The following RNF17 variants were observed in gnomAD, a reference collection of about 807,000 sequenced individuals.
RNF17 encodes spermatogenesis associated 23.
A neutral mutation model predicts 200.5 loss-of-function variants in RNF17; 31 were observed. The ratio of observed to expected loss-of-function variants is 0.15; its 90% CI spans 0.12 to 0.21. The LOEUF is 0.21. Among genes scored for constraint, RNF17 ranks in the 10% least tolerant of loss-of-function variants. RNF17 has a pLI of 1.00. For missense variants in RNF17, 1,628 were observed against 1,905.1 expected, an observed-to-expected ratio of 0.85 and a Z score of 2.71; for synonymous variants, 606 against 637.8, an observed-to-expected ratio of 0.95 and a Z score of 0.75.
chr13:24,802,838 G>T (rs1885414724), intron 14 of RNF17, among the ~76,000 whole-genome samples: 1 of 152,138 alleles, frequency 6.6e-6, no homozygotes, highest in Admixed American at 6.5e-5. Context: ...ATTCCTTGGG[G>T]TCATGAGTTT....
chr13:24,841,557 A>C (rs1890641855), intron 18 of RNF17, among the ~76,000 whole-genome samples: 1 of 152,214 alleles, frequency 6.6e-6, no homozygotes, highest in Admixed American at 6.5e-5. Context: ...AACACTGACC[A>C]TTTATATCTG....
At chr13:24,826,914 G>T (rs1206539246) in intron 16 of RNF17, among the ~76,000 whole-genome samples, 5 of 151,904 alleles carry the variant, frequency 3.3e-5, no homozygotes, top group Non-Finnish European at 4.4e-5. Flanking sequence ...TAAAAAATTA[G>T]CTGGGCATGG....
chr13:24,798,440 A>G (rs1838789), intron 11 of RNF17, among the ~76,000 whole-genome samples: 65,670 of 151,972 alleles, frequency 0.43, 14,287 homozygotes, highest in East Asian at 0.47. Context: ...AAGGCTGCCT[A>G]TAATGTGCTT....
At chr13:24,844,070 A>G in intron 20 of RNF17, 99 bp downstream of exon 20, 2 of 416,158 alleles carry the variant, frequency 4.8e-6, no homozygotes, top group East Asian at 4.1e-5. Flanking sequence ...AGATTTTACT[A>G]GCAAAATTAT....
downstream of RNF17, among the ~76,000 whole-genome samples, chr13:24,880,486 A>G (rs1379532271): frequency 1.3e-5 from 2 of 152,348 alleles, no homozygotes; most frequent in Middle Eastern, 3.4e-3. Context: ...TAGTTTTACT[A>G]CATATGAATG....
At chr13:24,797,703 A>AGCGTTTGTGTGTCTGTGTGTGTGT (rs1357809260) in intron 11 of RNF17, among the ~76,000 whole-genome samples, 1 of 23,082 alleles carries the variant, frequency 4.3e-5, no homozygotes, top group African/African-American at 1.4e-4. Context: ...AGAGAGACAA[A>AGCGTTTGTGTGTCTGTGTGTGTGT]GAGTGTGTGT....
chr13:24,790,332 A>G (rs191197030), intron 9 of RNF17, among the ~76,000 whole-genome samples: 5 of 152,222 alleles, frequency 3.3e-5, no homozygotes, highest in Non-Finnish European at 5.9e-5. Flanking sequence ...TCCATTCTCT[A>G]TGTCCCCAAG....
At position 24,870,615 on chromosome 13, in the gene RNF17, CCAG is replaced by C; in HGVS notation, c.4326_4328del (p.Gln1442del). The C allele has an allele frequency of 6.2e-7, 1 of 1,614,034 alleles. No individual in the cohort carries two copies. The highest frequency in any genetic ancestry group is 8.5e-7 in the Non-Finnish European group (1 of 1,179,918). ...CTATAGAAACTTCTAACCAGTCTAA[CCAG>C]CATAGTGACACAGATGATAGTGGAG... On this transcript the variant is annotated inframe_deletion, in exon 32 of 36. Coordinates refer to ENST00000255324, the MANE Select transcript of RNF17 (RefSeq NM_031277.3).
chr13:24,884,068 T>C, downstream of RNF17: 2 of 1,611,486 alleles, frequency 1.2e-6, no homozygotes, highest in South Asian at 1.1e-5. Flanking sequence ...TTTTCTTCCA[T>C]CTGGGTAATG....
At chr13:24,828,440 C>T (rs947889848) in intron 16 of RNF17, among the ~76,000 whole-genome samples, 2 of 152,102 alleles carry the variant, frequency 1.3e-5, no homozygotes, top group Admixed American at 1.3e-4. Flanking sequence ...CTCCACTTCC[C>T]TCCTTGAAGG....
intron 15 of RNF17, among the ~76,000 whole-genome samples, chr13:24,819,982 C>T (rs980960297): frequency 3.3e-5 from 5 of 152,038 alleles, no homozygotes; most frequent in African/African-American, 7.2e-5. Context: ...ATTTTTCTCA[C>T]GTTTTTGAAG....
In RNF17 at chr13:24,781,139, C is replaced by A. The variant is rs1020105503; in HGVS notation, c.511-705C>A. Among the ~76,000 whole-genome samples the A allele has an allele frequency of 4.0e-5, 6 of 151,096 alleles. No individual in the cohort carries two copies. The East Asian group carries it at 1.2e-3, about 29-fold the overall frequency. On this transcript the variant is annotated intron_variant, in intron 5 of 35. Coordinates refer to ENST00000255324, the MANE Select transcript of RNF17 (RefSeq NM_031277.3). ...ATCTAAGCAACAATACTTAAAACTTCAAAAATACTAAGATTGTGTAATACT... is the reference window on the plus strand; with the variant it reads ...ATCTAAGCAACAATACTTAAAACTTAAAAAATACTAAGATTGTGTAATACT...
At chr13:24,802,111 G>A (rs1885315153) in intron 13 of RNF17, among the ~76,000 whole-genome samples, 1 of 152,030 alleles carries the variant, frequency 6.6e-6, no homozygotes, top group South Asian at 2.1e-4. Flanking sequence ...TCAGCCTCCC[G>A]AGTAGCTGGG....
At chr13:24,885,720 TTTA>T in the RNF17 span, 9 of 1,276,272 alleles carry the variant, frequency 7.1e-6, no homozygotes, top group Admixed American at 1.5e-4. Context: ...AATTGAAAAT[TTTA>T]TTAGTATGAT....
chr13:24,764,457 G>A lies in RNF17; in HGVS notation c.130+124G>A, dbSNP rs937089407. The A allele has an allele frequency of 8.3e-6, 11 of 1,331,558 alleles. No homozygotes were observed. The African/African-American group carries it at 1.5e-4, about 18-fold the overall frequency. 82.5% of individuals were successfully genotyped at this position (1,331,558 alleles called of 1,614,324 possible). A position where few individuals can be genotyped will look rare whatever the true frequency, so the allele number is the denominator to read the frequency against. On this transcript the variant is annotated intron_variant, in intron 1 of 35. Coordinates refer to ENST00000255324, the MANE Select transcript of RNF17 (RefSeq NM_031277.3). ...CAATCCTGGTGTCACCAGAAACTGC[G>A]TCACAGGCCTCCCGCGAGCTGCACC...
chr13:24,884,325 C>G (rs775464769), downstream of RNF17: 17 of 1,614,030 alleles, frequency 1.1e-5, no homozygotes, highest in African/African-American at 6.7e-5. Context: ...AAACATACCA[C>G]TCTTTGGTCT....
intron 11 of RNF17, 47 bp from the exon 12 acceptor site, chr13:24,799,348 C>A (rs774280042): frequency 6.9e-7 from 1 of 1,440,602 alleles, no homozygotes; most frequent in Admixed American, 2.0e-5. Flanking sequence ...TATGAAGTGG[C>A]TTTTATTGAT....
At chr13:24,851,356 G>A (rs1891872784) in intron 23 of RNF17, 100 bp from the exon 24 acceptor site, 2 of 819,772 alleles carry the variant, frequency 2.4e-6, no homozygotes, top group Admixed American at 2.4e-5. Context: ...AATATTTCTT[G>A]CTTAGAGAAA....
intron 18 of RNF17, among the ~76,000 whole-genome samples, chr13:24,836,681 C>A (rs1339899147): frequency 6.6e-6 from 1 of 152,122 alleles, no homozygotes; most frequent in African/African-American, 2.4e-5. Flanking sequence ...CATTACCAAG[C>A]CACCACTACA....
Sources: allele counts gnomAD v4.1 joint callset (sites outside exome capture counted in the v4.1 genomes callset), GRCh38; gene constraint gnomAD v4.1.1; transcripts MANE v1.5; gene names NCBI Gene and HGNC (gene_info 2026-07-23, HGNC 2026-07-21).